The following BTLA variants were observed in gnomAD, a reference collection of about 807,000 sequenced individuals.
BTLA encodes the protein B- and T-lymphocyte attenuator.
A neutral mutation model predicts 25.0 loss-of-function variants in BTLA; 11 were observed. That is an observed-to-expected ratio of 0.44 (90% CI 0.28 to 0.73). BTLA has a LOEUF of 0.73. BTLA is among the 30% of genes least tolerant of loss of function. The pLI is 0.15. For synonymous variants in BTLA, 104 were observed against 119.8 expected (o/e 0.87, Z 0.86); for missense variants, 282 against 332.8 (o/e 0.85, Z 1.19).
chr3:112,484,994 G>A (rs2107327515), intron 1 of BTLA, among the ~76,000 whole-genome samples: 1 of 152,236 alleles, frequency 6.6e-6, no homozygotes, highest in East Asian at 1.9e-4. Flanking sequence ...ACTGATGTTT[G>A]TAGTGTAAAA....
intron 4 of BTLA, among the ~76,000 whole-genome samples, chr3:112,467,638 G>A (rs1224148714): frequency 6.6e-6 from 1 of 152,190 alleles, no homozygotes; most frequent in African/African-American, 2.4e-5. Context: ...AGCATGTCTG[G>A]CTTTACCCTG....
rs2082260029 is a variant in BTLA, at chr3:112,471,194, A to C, written c.547+18T>G. On this transcript the variant is annotated intron_variant, in intron 3 of 4. Coordinates refer to ENST00000334529, the MANE Select transcript of BTLA (RefSeq NM_181780.4). ...CCCAAATGTGTGGTACTGGGGGCAG[A>C]GGGAAAATAGAACCCACCTTGGTGC... 6.2e-7 allele frequency: 1 copy of C among 1,612,900 alleles called. No individual in the cohort carries two copies. Among genetic ancestry groups the C allele is most frequent in the African/African-American group, 1.3e-5 (1 of 75,004 alleles).
intron 3 of BTLA, 97 bp from the exon 4 acceptor site, chr3:112,469,901 T>C (rs1257046446): frequency 1.1e-6 from 1 of 944,006 alleles, no homozygotes; most frequent in Admixed American, 1.9e-5. Flanking sequence ...ATGCCAGGGA[T>C]AGTGTTGTTA....
At chr3:112,475,915 G>C (rs1267475797) in intron 2 of BTLA, among the ~76,000 whole-genome samples, 1 of 151,870 alleles carries the variant, frequency 6.6e-6, no homozygotes. Context: ...AATAGTATTT[G>C]TTAAAAATTC....
At chr3:112,476,876 A>G (rs777475370) in intron 2 of BTLA, among the ~76,000 whole-genome samples, 3 of 152,066 alleles carry the variant, frequency 2.0e-5, no homozygotes, top group Non-Finnish European at 4.4e-5. Context: ...GGCAACCACC[A>G]AGCTACTTTC....
intron 1 of BTLA, among the ~76,000 whole-genome samples, chr3:112,498,079 A>C (rs2082419645): frequency 6.6e-6 from 1 of 152,170 alleles, no homozygotes; most frequent in African/African-American, 2.4e-5. Flanking sequence ...AGATGTTATA[A>C]ATAGTTAAGT....
chr3:112,480,291 A>G (rs1409482064), intron 1 of BTLA, among the ~76,000 whole-genome samples: 1 of 152,188 alleles, frequency 6.6e-6, no homozygotes, highest in Non-Finnish European at 1.5e-5. Flanking sequence ...ACTAATGATA[A>G]TCTCACCATC....
At chr3:112,472,735 T>C (rs574841083) in intron 2 of BTLA, among the ~76,000 whole-genome samples, 1 of 152,234 alleles carries the variant, frequency 6.6e-6, no homozygotes, top group Non-Finnish European at 1.5e-5. Context: ...AATGTTATTT[T>C]GTTTGGCTAG....
At chr3:112,477,666 T>G (rs891505087) in intron 2 of BTLA, among the ~76,000 whole-genome samples, 1 of 152,110 alleles carries the variant, frequency 6.6e-6, no homozygotes, top group Non-Finnish European at 1.5e-5. Context: ...AAGAAAACAC[T>G]GCTAAATCCA....
At chr3:112,475,475 G>A (rs1038649113) in intron 2 of BTLA, among the ~76,000 whole-genome samples, 6 of 152,122 alleles carry the variant, frequency 3.9e-5, no homozygotes, top group African/African-American at 1.2e-4. Context: ...TAGATAGATT[G>A]TTGATCCTAA....
At chr3:112,479,101 C>T (rs1458135016) in intron 2 of BTLA, among the ~76,000 whole-genome samples, 1 of 150,994 alleles carries the variant, frequency 6.6e-6, no homozygotes, top group Non-Finnish European at 1.5e-5. Context: ...AAAAAAACAA[C>T]AAAGAAGGAC....
intron 1 of BTLA, among the ~76,000 whole-genome samples, chr3:112,493,772 G>C (rs2082393285): frequency 6.6e-6 from 1 of 152,008 alleles, no homozygotes; most frequent in Admixed American, 6.5e-5. Context: ...GAAGTGCTGG[G>C]ATTACAGGCG....
intron 2 of BTLA, 43 bp downstream of exon 2, chr3:112,479,412 A>C (rs760391378): frequency 1.3e-6 from 2 of 1,533,340 alleles, no homozygotes; most frequent in Admixed American, 1.9e-5. Flanking sequence ...TCCTGGAAAC[A>C]TTATAAGAAA....
chr3:112,471,125 C>T, intron 3 of BTLA, 87 bp downstream of exon 3: 1 of 1,408,190 alleles, frequency 7.1e-7, no homozygotes, highest in South Asian at 1.4e-5. Context: ...AAGAAAACAA[C>T]AGGAAGAAAC....
At position 112,465,807 on chromosome 3, in the gene BTLA, GT is replaced by G; in HGVS notation, c.*300del. The G allele has an allele frequency of 4.4e-6, 1 of 228,074 alleles. No homozygotes were observed. Among genetic ancestry groups the G allele is most frequent in the Non-Finnish European group, 8.5e-6 (1 of 117,428 alleles). The allele number at this position is 228,074 out of a possible 1,614,324, so 14.1% of individuals were successfully genotyped here. A position where few individuals can be genotyped will look rare whatever the true frequency, so the allele number is the denominator to read the frequency against. ...CCAATAGCTTCAAAGGCAAGATCGA[GT>G]TTGTATATTGGGTAAAATGTAGCTA... On this transcript the variant is annotated 3_prime_UTR_variant, in exon 5 of 5. Transcript: ENST00000334529.
At chr3:112,472,617 T>G (rs755618605) in intron 2 of BTLA, among the ~76,000 whole-genome samples, 18 of 152,148 alleles carry the variant, frequency 1.2e-4, no homozygotes, top group Non-Finnish European at 1.0e-4. Flanking sequence ...TCGCTTGAAC[T>G]CGGTAGGTGG....
intron 1 of BTLA, among the ~76,000 whole-genome samples, chr3:112,487,516 C>T (rs1375018386): frequency 1.3e-5 from 2 of 151,418 alleles, no homozygotes; most frequent in African/African-American, 2.4e-5. Flanking sequence ...ACCCAGGAGG[C>T]GGAGGTTGCG....
chr3:112,499,410 C>T lies in BTLA; in HGVS notation c.-52G>A. 6.5e-7 allele frequency: 1 copy of T among 1,541,376 alleles called. No homozygotes were observed. Among genetic ancestry groups the T allele is most frequent in the Non-Finnish European group, 8.9e-7 (1 of 1,123,116 alleles). On this transcript the variant is annotated 5_prime_UTR_variant, in exon 1 of 5. Coordinates refer to ENST00000334529, the MANE Select transcript of BTLA (RefSeq NM_181780.4). ...ACTGCTCAAGTAGAAGGCTTTGCTT[C>T]GTCTTCTGAGTGCTGCAGAGTTGGG...
chr3:112,499,266 C>T lies in BTLA; in HGVS notation c.88+5G>A. 1 of 1,588,234 alleles carries T rather than the reference C, an allele frequency of 6.3e-7. No individual in the cohort carries two copies. The highest frequency in any genetic ancestry group is 2.2e-5 in the East Asian group (1 of 44,740). On this transcript the variant is annotated splice_donor_5th_base_variant and intron_variant, in intron 1 of 4. Coordinates refer to ENST00000334529, the MANE Select transcript of BTLA (RefSeq NM_181780.4). ...AACCAGAAATAACCTAAGCAGGTGCCTTACCATGGATGTTCCAGATGTCCA... is the reference window on the plus strand; with the variant it reads ...AACCAGAAATAACCTAAGCAGGTGCTTTACCATGGATGTTCCAGATGTCCA...
Sources: gnomAD v4.1 joint callset for allele counts (sites outside exome capture counted in the v4.1 genomes callset) on GRCh38, gnomAD v4.1.1 for gene constraint, MANE v1.5 for transcripts, NCBI Gene and HGNC (gene_info 2026-07-23, HGNC 2026-07-21) for gene names.